Variants in ADAM23 observed in about 807,000 individuals in gnomAD.
The protein encoded by ADAM23 is ADAM metallopeptidase domain 23.
In ADAM23, 33 loss-of-function variants were observed where a neutral mutation model predicts 120.1. That is an observed-to-expected ratio of 0.27 (90% CI 0.21 to 0.37). The LOEUF is 0.37. Ranked by LOEUF, ADAM23 falls within the 10% of genes least tolerant of loss-of-function variation. ADAM23 has a pLI of 1.00. For missense variants in ADAM23, 862 were observed against 1,058.2 expected, an observed-to-expected ratio of 0.81 and a Z score of 2.57; for synonymous variants, 367 against 375.2, an observed-to-expected ratio of 0.98 and a Z score of 0.25.
At chr2:206,565,813 T>A (rs1426301191) in intron 14 of ADAM23, among the ~76,000 whole-genome samples, 1 of 152,128 alleles carries the variant, frequency 6.6e-6, no homozygotes, top group African/African-American at 2.4e-5. Flanking sequence ...CACCAACCAT[T>A]TCTGGTCCTA....
At chr2:206,493,331 T>C (rs1696170104) in intron 3 of ADAM23, among the ~76,000 whole-genome samples, 1 of 152,256 alleles carries the variant, frequency 6.6e-6, no homozygotes, top group African/African-American at 2.4e-5. Context: ...TAATATAATA[T>C]TTAGATTGTG....
At chr2:206,606,195 C>A (rs1698726116) in intron 24 of ADAM23, among the ~76,000 whole-genome samples, 2 of 152,050 alleles carry the variant, frequency 1.3e-5, no homozygotes, top group Admixed American at 6.6e-5. Flanking sequence ...TTTTTTTAAA[C>A]CATTTATTGG....
intron 18 of ADAM23, among the ~76,000 whole-genome samples, chr2:206,575,464 G>T (rs965217788): frequency 6.6e-6 from 1 of 152,122 alleles, no homozygotes; most frequent in Non-Finnish European, 1.5e-5. Flanking sequence ...ATTATTAGTA[G>T]TATAGAAGTG....
At chr2:206,572,002 T>G (rs1214178026) in intron 17 of ADAM23, among the ~76,000 whole-genome samples, 186 bp downstream of exon 17, 2 of 152,168 alleles carry the variant, frequency 1.3e-5, no homozygotes, top group Non-Finnish European at 2.9e-5. Context: ...TCTACTATTA[T>G]TCACTACCAA....
At chr2:206,567,089 G>A (rs1697901195) in intron 14 of ADAM23, 134 bp from the exon 15 acceptor site, 3 of 671,068 alleles carry the variant, frequency 4.5e-6, no homozygotes, top group Non-Finnish European at 7.5e-6. Context: ...TTGAACATAA[G>A]TCCCTTGTCA....
At chr2:206,593,006 G>A (rs1698454604) in intron 22 of ADAM23, among the ~76,000 whole-genome samples, 1 of 152,090 alleles carries the variant, frequency 6.6e-6, no homozygotes, top group African/African-American at 2.4e-5. Flanking sequence ...GAATTATGGT[G>A]TTCATTCTAA....
At chr2:206,486,424 G>A (rs1479616123) in intron 3 of ADAM23, among the ~76,000 whole-genome samples, 3 of 151,004 alleles carry the variant, frequency 2.0e-5, no homozygotes, top group Admixed American at 1.3e-4. Flanking sequence ...TATGATTGAT[G>A]TTAGAGCAAC....
chr2:206,466,664 T>G, intron 2 of ADAM23, among the ~76,000 whole-genome samples: 1 of 152,232 alleles, frequency 6.6e-6, no homozygotes, highest in East Asian at 1.9e-4. Context: ...GATATATCTT[T>G]AATTAGTGTA....
chr2:206,534,829 G>A (rs1028272921), intron 4 of ADAM23, among the ~76,000 whole-genome samples: 2 of 152,032 alleles, frequency 1.3e-5, no homozygotes, highest in Non-Finnish European at 2.9e-5. Context: ...GGTGGGGAAG[G>A]CTTCTTTTCC....
intron 15 of ADAM23, among the ~76,000 whole-genome samples, chr2:206,569,484 G>A (rs1697954056): frequency 6.6e-6 from 1 of 152,118 alleles, no homozygotes; most frequent in African/African-American, 2.4e-5. Flanking sequence ...CATGTGTTGT[G>A]TGTGTATTAT....
intron 24 of ADAM23, among the ~76,000 whole-genome samples, chr2:206,605,310 T>C (rs113773641): frequency 6.6e-6 from 1 of 152,366 alleles, no homozygotes; most frequent in African/African-American, 2.4e-5. Flanking sequence ...GTATTTACTT[T>C]TAAAGCTATT....
At chr2:206,609,552 C>T (rs1698789850) in intron 24 of ADAM23, among the ~76,000 whole-genome samples, 1 of 152,018 alleles carries the variant, frequency 6.6e-6, no homozygotes, top group Admixed American at 6.6e-5. Context: ...TGTCTGAATG[C>T]GATGGTGTTC....
intron 14 of ADAM23, 128 bp downstream of exon 14, chr2:206,565,196 CT>C: frequency 1.3e-6 from 1 of 748,574 alleles, no homozygotes; most frequent in Admixed American, 2.7e-5. Context: ...AATTAATTGT[CT>C]GATATTTTTA....
chr2:206,500,045 A>G (rs1441430206), intron 3 of ADAM23, among the ~76,000 whole-genome samples: 1 of 152,096 alleles, frequency 6.6e-6, no homozygotes, highest in East Asian at 1.9e-4. Context: ...GTATTTTTTT[A>G]TTATTAAAAT....
chr2:206,475,005 T>C (rs1249692959), intron 2 of ADAM23, among the ~76,000 whole-genome samples: 1 of 152,220 alleles, frequency 6.6e-6, no homozygotes, highest in African/African-American at 2.4e-5. Context: ...TATGGCACTT[T>C]TTTGTCATTT....
intron 10 of ADAM23, 140 bp downstream of exon 10, chr2:206,557,638 G>A (rs975558554): frequency 9.0e-6 from 7 of 778,110 alleles, no homozygotes; most frequent in Non-Finnish European, 1.5e-5. Flanking sequence ...TTATAGGATG[G>A]TCCGCTTCAC....
At chr2:206,605,218 A>G (rs1469983181) in intron 24 of ADAM23, among the ~76,000 whole-genome samples, 2 of 152,246 alleles carry the variant, frequency 1.3e-5, no homozygotes, top group Non-Finnish European at 2.9e-5. Context: ...ACAAAAAACA[A>G]AATGTCTAAA....
chr2:206,571,518 A>G (rs891634023), intron 16 of ADAM23, among the ~76,000 whole-genome samples: 1 of 152,188 alleles, frequency 6.6e-6, no homozygotes, highest in Non-Finnish European at 1.5e-5. Context: ...TCTATTTGCT[A>G]TTGAAGTCCT....
Position 206,571,753 on chromosome 2 carries a change from A to G in ADAM23, c.1593A>G (p.Lys531=). ...AATGCTATGGATTATGCTGTAAGAA[A>G]TGTTCCCTCTCCAACGGGGCTCACT... ...HVECYGLCCK[K]CSLSNGAHCS... The change falls in exon 17 of 26, where the codon AAA becomes AAG. Residue 531 remains lysine (K), a synonymous_variant. Transcript: ENST00000264377. 1.2e-6 allele frequency: 2 copies of G among 1,614,146 alleles called. No homozygotes were observed. Among genetic ancestry groups the G allele is most frequent in the Non-Finnish European group, 1.7e-6 (2 of 1,179,994 alleles).
Sources: gnomAD v4.1 joint callset for allele counts (sites outside exome capture counted in the v4.1 genomes callset) on GRCh38, gnomAD v4.1.1 for gene constraint, MANE v1.5 for transcripts, NCBI Gene and HGNC (gene_info 2026-07-23, HGNC 2026-07-21) for gene names.